CDADC1: variants seen among roughly 807,000 people sequenced by gnomAD.
CDADC1 encodes cytidine and dCMP deaminase domain containing 1.
Under a neutral mutation model 54.9 loss-of-function variants are expected in CDADC1, and 39 were observed. The ratio of observed to expected loss-of-function variants is 0.71; its 90% CI spans 0.55 to 0.93. The LOEUF is 0.93. Ranked by LOEUF, CDADC1 falls within the 40% of genes least tolerant of loss-of-function variation. CDADC1 has a pLI of 0.00. For synonymous variants in CDADC1, 186 were observed against 204.0 expected, an observed-to-expected ratio of 0.91 and a Z score of 0.75; for missense variants, 518 against 618.8, an observed-to-expected ratio of 0.84 and a Z score of 1.73.
chr13:49,265,523 T>C lies in CDADC1; in HGVS notation c.431-1967T>C, dbSNP rs370606215. ...ATTGCTGATAACTATTGTTTTTCCT[T>C]TTACTATTAATCCAAATATTAAAGA... On this transcript the variant is annotated intron_variant, in intron 4 of 9. Transcript: ENST00000251108. Among the ~76,000 whole-genome samples, 387 of 152,300 alleles carry C rather than the reference T, an allele frequency of 2.5e-3. 3 individuals carry two copies. Among genetic ancestry groups the C allele is most frequent in the South Asian group, 6.2e-3 (30 of 4,828 alleles).
chr13:49,287,705 C>G (rs1001745823), intron 9 of CDADC1, among the ~76,000 whole-genome samples: 7 of 152,174 alleles, frequency 4.6e-5, no homozygotes, highest in Non-Finnish European at 8.8e-5. Context: ...GGTGCAGTGG[C>G]TCACACCTGT....
At chr13:49,274,535 G>GT (rs1411961046) in intron 6 of CDADC1, among the ~76,000 whole-genome samples, 195 bp downstream of exon 6, 4 of 151,964 alleles carry the variant, frequency 2.6e-5, no homozygotes, top group Admixed American at 6.6e-5. Flanking sequence ...GCTGGGCGTG[G>GT]TGGCGGGTGC....
intron 6 of CDADC1, among the ~76,000 whole-genome samples, chr13:49,276,853 C>T (rs191011638): frequency 5.2e-4 from 79 of 152,324 alleles, no homozygotes; most frequent in Admixed American, 4.7e-3. Context: ...TAGCATAGGT[C>T]TAACTGGTGG....
intron 2 of CDADC1, among the ~76,000 whole-genome samples, chr13:49,254,195 G>A (rs766413541): frequency 1.9e-4 from 29 of 152,050 alleles, no homozygotes; most frequent in Admixed American, 5.9e-4. Context: ...CATCCTTACC[G>A]TTTTTCCACT....
At position 49,267,732 on chromosome 13, in the gene CDADC1, A is replaced by T; in HGVS notation, c.673A>T (p.Thr225Ser). The change falls in exon 5 of 10, where the codon ACT (threonine) becomes TCT (serine). Residue 225 changes from threonine to serine, a missense_variant. Physicochemically the swap from Thr to Ser is moderately conservative, Grantham distance 58. Transcript: ENST00000251108. ...KITKTLPDAN[T>S]DFYYECKQER... ...TACAAAAACATTGCCGGATGCTAACACTGACTTTTATTATGAATGTAAACA... is the reference window on the plus strand; with the variant it reads ...TACAAAAACATTGCCGGATGCTAACTCTGACTTTTATTATGAATGTAAACA... The T allele has an allele frequency of 6.2e-7, 1 of 1,611,578 alleles. No homozygotes were observed. The highest frequency in any genetic ancestry group is 8.5e-7 in the Non-Finnish European group (1 of 1,179,028).
intron 1 of CDADC1, 126 bp downstream of exon 1, chr13:49,248,245 G>A: frequency 1.2e-6 from 1 of 820,760 alleles, no homozygotes; most frequent in Admixed American, 2.4e-5. Context: ...GATGTCTCCT[G>A]CCCGCCCTCT....
At chr13:49,260,225 G>T (rs923662657) in intron 4 of CDADC1, among the ~76,000 whole-genome samples, 22 of 152,204 alleles carry the variant, frequency 1.4e-4, no homozygotes, top group Non-Finnish European at 3.1e-4. Flanking sequence ...CTCAGTGTAT[G>T]AGTAGACTAA....
chr13:49,284,760 T>C (rs1268454347), intron 8 of CDADC1, among the ~76,000 whole-genome samples: 1 of 152,168 alleles, frequency 6.6e-6, no homozygotes, highest in Non-Finnish European at 1.5e-5. Context: ...CTGTATCTCA[T>C]CCCCCCTCAA....
At chr13:49,285,671 A>G (rs1953492894) in intron 8 of CDADC1, among the ~76,000 whole-genome samples, 1 of 152,156 alleles carries the variant, frequency 6.6e-6, no homozygotes, top group Non-Finnish European at 1.5e-5. Context: ...CTTACTTCCA[A>G]TTAAAATGAA....
chr13:49,288,251 T>C (rs1462494253), intron 9 of CDADC1, among the ~76,000 whole-genome samples: 2 of 152,228 alleles, frequency 1.3e-5, no homozygotes, highest in Admixed American at 6.5e-5. Flanking sequence ...GTTAAGTTTA[T>C]GTTTATGCAT....
chr13:49,279,229 A>G (rs953947045), intron 7 of CDADC1, among the ~76,000 whole-genome samples: 2 of 152,190 alleles, frequency 1.3e-5, no homozygotes, highest in African/African-American at 4.8e-5. Flanking sequence ...GCAATAGGGG[A>G]TATGAGACGG....
chr13:49,284,124 G>C (rs1195414750), intron 8 of CDADC1, among the ~76,000 whole-genome samples: 1 of 152,008 alleles, frequency 6.6e-6, no homozygotes, highest in Non-Finnish European at 1.5e-5. Flanking sequence ...GCTAGGACTG[G>C]GCAACACTGT....
chr13:49,278,462 G>A lies in CDADC1; in HGVS notation c.1163G>A (p.Arg388Lys). 6.2e-7 allele frequency: 1 copy of A among 1,601,726 alleles called. No individual in the cohort carries two copies. Among genetic ancestry groups the A allele is most frequent in the Non-Finnish European group, 8.5e-7 (1 of 1,170,898 alleles). ...FPHMDDKQKD[R>K]EIRKFRYIIH... ...CACATGGATGACAAGCAGAAAGACA[G>A]AGAAATAAGGAAATTCAGATACATC... Residue 388 changes from arginine to lysine, a missense_variant, in exon 7 of 10, where the codon AGA becomes AAA. By Grantham distance (26) the Arg-to-Lys change is conservative. Transcript: ENST00000251108.
intron 9 of CDADC1, among the ~76,000 whole-genome samples, chr13:49,288,696 C>T (rs1205101108): frequency 1.3e-5 from 2 of 151,926 alleles, no homozygotes; most frequent in East Asian, 3.8e-4. Flanking sequence ...GGGGGACTTG[C>T]TGCTGGATAC....
At chr13:49,251,410 A>G (rs975759089) in intron 2 of CDADC1, among the ~76,000 whole-genome samples, 4 of 151,784 alleles carry the variant, frequency 2.6e-5, no homozygotes, top group African/African-American at 7.3e-5. Flanking sequence ...GAAAAAAAAA[A>G]GAAAAAAAAA....
Position 49,247,972 on chromosome 13 carries a change from C to A in CDADC1, c.-66C>A. The A allele has an allele frequency of 3.5e-6, 5 of 1,410,026 alleles. No individual in the cohort carries two copies. The South Asian group carries it at 5.0e-5, about 14-fold the overall frequency. 87.3% of individuals were successfully genotyped at this position (1,410,026 alleles called of 1,614,324 possible). ...GCTGAGAGGAGGCGAGAGGCGGGGG[C>A]GCTAGGGCCGAGATCATGTCTGACT... is the stretch of plus-strand genomic sequence containing the variant. On this transcript the variant is annotated 5_prime_UTR_variant, in exon 1 of 10. Coordinates refer to ENST00000251108, the MANE Select transcript of CDADC1 (RefSeq NM_030911.4).
chr13:49,255,788 CAT>C (rs1566353174), intron 2 of CDADC1, 49 bp from the exon 3 acceptor site: 7 of 1,587,654 alleles, frequency 4.4e-6, no homozygotes, highest in Admixed American at 1.8e-5. Context: ...TTGAATTAGT[CAT>C]ATGTCTTATG....
chr13:49,269,498 A>G (rs1474741486), intron 5 of CDADC1, among the ~76,000 whole-genome samples: 4 of 152,206 alleles, frequency 2.6e-5, no homozygotes, highest in Non-Finnish European at 5.9e-5. Flanking sequence ...TTCTGTAGGC[A>G]CACATTATAT....
At chr13:49,286,795 A>G (rs1953526203) in intron 9 of CDADC1, among the ~76,000 whole-genome samples, 1 of 152,234 alleles carries the variant, frequency 6.6e-6, no homozygotes, top group South Asian at 2.1e-4. Context: ...TATTATTCGT[A>G]TACTACTACA....
Sources: allele counts gnomAD v4.1 joint callset (sites outside exome capture counted in the v4.1 genomes callset), GRCh38; gene constraint gnomAD v4.1.1; transcripts MANE v1.5; gene names NCBI Gene and HGNC (gene_info 2026-07-23, HGNC 2026-07-21).